PTPRM: variants seen among roughly 807,000 people sequenced by gnomAD.
The protein encoded by PTPRM is receptor-type tyrosine-protein phosphatase mu.
A neutral mutation model predicts 186.7 loss-of-function variants in PTPRM; 47 were observed. That is an observed-to-expected ratio of 0.25 (90% CI 0.20 to 0.32). PTPRM has a LOEUF of 0.32. Among genes scored for constraint, PTPRM ranks in the 10% least tolerant of loss-of-function variants. The pLI is 1.00. For synonymous variants in PTPRM, 668 were observed against 674.9 expected (o/e 0.99, Z 0.16); for missense variants, 1,494 against 1,865.0 (o/e 0.80, Z 3.66).
At chr18:7,890,937 A>G (rs2049040568) in intron 3 of PTPRM, among the ~76,000 whole-genome samples, 1 of 152,188 alleles carries the variant, frequency 6.6e-6, no homozygotes, top group Non-Finnish European at 1.5e-5. Context: ...TTAAGTTTAA[A>G]AAATCTAATA....
intron 23 of PTPRM, chr18:8,360,860 T>C (rs1004114054): frequency 6.6e-6 from 1 of 152,218 alleles, no homozygotes; most frequent in Admixed American, 6.5e-5. Context: ...TAGAGTAACA[T>C]AGCACATTTG....
intron 14 of PTPRM, among the ~76,000 whole-genome samples, chr18:8,231,782 A>G (rs990579401): frequency 2.0e-5 from 3 of 152,182 alleles, no homozygotes; most frequent in Admixed American, 6.5e-5. Context: ...TGTTTAATAA[A>G]CTATTTTTAG....
chr18:8,279,055 T>C (rs191399755), intron 19 of PTPRM, among the ~76,000 whole-genome samples: 2 of 151,980 alleles, frequency 1.3e-5, no homozygotes, highest in Non-Finnish European at 2.9e-5. Flanking sequence ...TGCGCACATG[T>C]ACCCTAGAAC....
chr18:7,949,039 G>T, intron 5 of PTPRM, 142 bp from the exon 6 acceptor site: 2 of 708,376 alleles, frequency 2.8e-6, no homozygotes, highest in South Asian at 3.0e-5. Flanking sequence ...CTATTCTCCT[G>T]GTACAACTGC....
At chr18:7,933,145 A>G (rs1030337045) in intron 5 of PTPRM, among the ~76,000 whole-genome samples, 3 of 152,196 alleles carry the variant, frequency 2.0e-5, no homozygotes, top group South Asian at 4.1e-4. Flanking sequence ...CACAGTGCTT[A>G]TGTTTAAGTC....
intron 21 of PTPRM, among the ~76,000 whole-genome samples, chr18:8,315,226 C>T (rs2095300383): frequency 6.6e-6 from 1 of 152,130 alleles, no homozygotes; most frequent in African/African-American, 2.4e-5. Flanking sequence ...TTTTTGTCAA[C>T]AACTCATATT....
intron 1 of PTPRM, among the ~76,000 whole-genome samples, chr18:7,730,703 A>G (rs140811607): frequency 4.0e-4 from 61 of 152,338 alleles, no homozygotes; most frequent in African/African-American, 1.4e-3. Flanking sequence ...AAGACAAGTA[A>G]TTATGGATCC....
At chr18:8,137,198 C>T (rs1386565909) in intron 13 of PTPRM, among the ~76,000 whole-genome samples, 3 of 152,158 alleles carry the variant, frequency 2.0e-5, no homozygotes, top group Non-Finnish European at 2.9e-5. Flanking sequence ...TGTTACTGTC[C>T]TTAGCCCCTT....
Position 7,925,656 on chromosome 18 carries a change from A to G in PTPRM, c.548-912A>G, listed in dbSNP as rs74556315. 3.1e-3 allele frequency among the ~76,000 whole-genome samples: 470 copies of G among 152,218 alleles called. 4 individuals carry two copies. Among genetic ancestry groups the G allele is most frequent in the African/African-American group, 0.011 (437 of 41,542 alleles). ...TTATCTGTCTCTCCCAGAAAGTATG[A>G]TCATCCCCTTTGCTTCCCACCTCTT... On this transcript the variant is annotated intron_variant, in intron 4 of 32. Transcript: ENST00000580170.
chr18:7,618,573 T>A (rs1317003459), intron 1 of PTPRM, among the ~76,000 whole-genome samples: 2 of 152,050 alleles, frequency 1.3e-5, no homozygotes, highest in African/African-American at 2.4e-5. Context: ...CAAAAATAAA[T>A]CCCCAAACCT....
chr18:7,688,771 G>C (rs1218828816), intron 1 of PTPRM, among the ~76,000 whole-genome samples: 2 of 152,146 alleles, frequency 1.3e-5, no homozygotes, highest in East Asian at 3.9e-4. Flanking sequence ...TGGCCAACTT[G>C]TCAGGAATAA....
chr18:7,998,654 C>CT (rs2083685885), intron 7 of PTPRM, among the ~76,000 whole-genome samples: 2 of 151,158 alleles, frequency 1.3e-5, no homozygotes, highest in Non-Finnish European at 3.0e-5. Context: ...TTTTATACAA[C>CT]ATTTTTTTTT....
At chr18:8,280,590 T>A (rs1419127707) in intron 19 of PTPRM, among the ~76,000 whole-genome samples, 1 of 152,178 alleles carries the variant, frequency 6.6e-6, no homozygotes, top group East Asian at 1.9e-4. Flanking sequence ...CCAAGGCACA[T>A]GTGGCTATTT....
chr18:7,782,838 A>C (rs910266521), intron 2 of PTPRM, among the ~76,000 whole-genome samples: 3 of 152,232 alleles, frequency 2.0e-5, no homozygotes, highest in Admixed American at 6.5e-5. Context: ...GGCCAATGTC[A>C]GCCACTATAT....
intron 2 of PTPRM, among the ~76,000 whole-genome samples, chr18:7,871,873 C>A (rs2048000724): frequency 6.6e-6 from 1 of 152,176 alleles, no homozygotes; most frequent in East Asian, 1.9e-4. Context: ...AGTGCCTGGG[C>A]AGTGATTACT....
chr18:7,707,042 A>G (rs1424756102), intron 1 of PTPRM, among the ~76,000 whole-genome samples: 1 of 152,130 alleles, frequency 6.6e-6, no homozygotes, highest in African/African-American at 2.4e-5. Flanking sequence ...GAATATTGTT[A>G]TTTAGTAACT....
intron 2 of PTPRM, among the ~76,000 whole-genome samples, chr18:7,865,242 G>C (rs955275477): frequency 6.6e-6 from 1 of 152,172 alleles, no homozygotes; most frequent in Non-Finnish European, 1.5e-5. Flanking sequence ...GTGTTGAATG[G>C]GAGTGGTGAG....
intron 1 of PTPRM, among the ~76,000 whole-genome samples, chr18:7,658,082 T>C (rs1444314954): frequency 6.6e-6 from 1 of 152,032 alleles, no homozygotes; most frequent in African/African-American, 2.4e-5. Context: ...AAGGATACAA[T>C]ACAGTATTAT....
intron 31 of PTPRM, among the ~76,000 whole-genome samples, chr18:8,388,291 A>G (rs1235337403): frequency 4.6e-5 from 7 of 152,198 alleles, no homozygotes; most frequent in African/African-American, 1.4e-4. Context: ...GAAGTACACA[A>G]TGAGATCTCT....
Sources: allele counts gnomAD v4.1 joint callset (sites outside exome capture counted in the v4.1 genomes callset), GRCh38; gene constraint gnomAD v4.1.1; transcripts MANE v1.5; gene names NCBI Gene and HGNC (gene_info 2026-07-23, HGNC 2026-07-21).